The following LIMS2 variants were observed in gnomAD, a reference collection of about 807,000 sequenced individuals.
The protein encoded by LIMS2 is LIM zinc finger domain containing 2.
In LIMS2, 30 loss-of-function variants were observed where a neutral mutation model predicts 45.3. The observed-to-expected ratio is 0.66, with a 90% CI of 0.50 to 0.90. LIMS2 has a LOEUF of 0.90. Ranked by LOEUF, LIMS2 falls within the 40% of genes least tolerant of loss-of-function variation. LIMS2 has a pLI of 0.00. For missense variants in LIMS2, 485 were observed against 468.7 expected (o/e 1.03, Z -0.32); for synonymous variants, 173 against 188.0 (o/e 0.92, Z 0.65).
chr2:127,667,625 T>C lies in LIMS2; in HGVS notation c.11+7389A>G, dbSNP rs367832156. Among the ~76,000 whole-genome samples the C allele has an allele frequency of 2.6e-5, 4 of 152,192 alleles. No homozygotes were observed. The South Asian group carries it at 6.2e-4, about 24-fold the overall frequency. On this transcript the variant is annotated intron_variant, in intron 1 of 9. Coordinates refer to ENST00000355119, the MANE Select transcript of LIMS2 (RefSeq NM_001161403.3). The surrounding 1 kb of genome is among the most constrained non-coding windows in gnomAD (Gnocchi z 4.1). ...CATCTCAACAGATGCAGAAAACACATTTGGCAAAATCCAACATCTTTTCAT... is the reference window on the plus strand; with the variant it reads ...CATCTCAACAGATGCAGAAAACACACTTGGCAAAATCCAACATCTTTTCAT...
intron 1 of LIMS2, among the ~76,000 whole-genome samples, chr2:127,681,011 T>C (rs1197285312): frequency 6.6e-6 from 1 of 152,214 alleles, no homozygotes; most frequent in Non-Finnish European, 1.5e-5. Flanking sequence ...TTGCTTCTTT[T>C]TTCCCATTGT....
chr2:127,674,221 A>C (rs1685406655), intron 1 of LIMS2: 2 of 158,918 alleles, frequency 1.3e-5, no homozygotes, highest in Admixed American at 1.2e-4. Flanking sequence ...TGGGATCCTG[A>C]AGAACAGCAT....
At chr2:127,668,648 G>A (rs1573845204) in intron 1 of LIMS2, among the ~76,000 whole-genome samples, 1 of 100,490 alleles carries the variant, frequency 1.0e-5, no homozygotes, top group East Asian at 3.4e-4. Context: ...CACCCTGGGT[G>A]ACAGAGTGAG....
At chr2:127,641,813 G>A in intron 6 of LIMS2, 1 of 485,592 alleles carries the variant, frequency 2.1e-6, no homozygotes, top group South Asian at 3.2e-5. Flanking sequence ...AGGGGGAAGA[G>A]GAGAGGTGGG....
At chr2:127,669,740 A>C (rs1227783395) in intron 1 of LIMS2, among the ~76,000 whole-genome samples, 1 of 151,946 alleles carries the variant, frequency 6.6e-6, no homozygotes, top group Non-Finnish European at 1.5e-5. Flanking sequence ...TTTGCAAATC[A>C]TATGTCTGAG....
chr2:127,660,463 G>A (rs903223819), intron 1 of LIMS2, among the ~76,000 whole-genome samples: 1 of 152,224 alleles, frequency 6.6e-6, no homozygotes, highest in Non-Finnish European at 1.5e-5. Context: ...AAGCCAGCGA[G>A]ACCATGAACC....
Position 127,656,810 on chromosome 2 carries a change from G to A in LIMS2, c.171+593C>T, listed in dbSNP as rs148198928. Among the ~76,000 whole-genome samples, 93 of 152,284 alleles carry A rather than the reference G, an allele frequency of 6.1e-4. 1 individual carries two copies. In the East Asian group the frequency reaches 0.017, roughly 28 times the overall value. On this transcript the variant is annotated intron_variant, in intron 2 of 9. Transcript: ENST00000355119. ...TTGCAGAGGGGAAGCCTATGGCTCC[G>A]TAGAGGCCCGTGGGGCCAAGCGAGA...
At chr2:127,651,676 G>A in intron 4 of LIMS2, 1 of 1,613,356 alleles carries the variant, frequency 6.2e-7, no homozygotes, top group Non-Finnish European at 8.5e-7. Context: ...TTGCTCTGTG[G>A]CAAAAGGCTC....
chr2:127,661,616 A>T (rs1424241229), intron 1 of LIMS2, among the ~76,000 whole-genome samples: 3 of 152,202 alleles, frequency 2.0e-5, no homozygotes, highest in Non-Finnish European at 2.9e-5. Flanking sequence ...TGCCCAGGGC[A>T]CACCCAGCCT....
rs182841553 is a variant in LIMS2 at position 127,673,819 on chromosome 2, C to T, written c.11+1195G>A. 2.9e-3 allele frequency: 3,987 copies of T among 1,369,560 alleles called. 107 individuals are homozygous for T. In the African/African-American group the frequency reaches 0.052, roughly 18 times the overall value. The allele number at this position is 1,369,560 out of a possible 1,614,324, so 84.8% of individuals were successfully genotyped here. On this transcript the variant is annotated intron_variant, in intron 1 of 9. Transcript: ENST00000355119. ...AAAATGGGAGGCAGCCCCGCTAGAA[C>T]CCTAGGGGGTGACCACAGGCAGCCA... is the stretch of plus-strand genomic sequence containing the variant.
intron 4 of LIMS2, among the ~76,000 whole-genome samples, chr2:127,648,993 GA>G (rs1183473801): frequency 2.2e-4 from 5 of 22,502 alleles, no homozygotes; most frequent in Non-Finnish European, 3.6e-4. Flanking sequence ...GGAGGGGAGG[GA>G]GGGGAGGGGA....
At chr2:127,651,616 C>T in intron 4 of LIMS2, 1 of 1,613,602 alleles carries the variant, frequency 6.2e-7, no homozygotes, top group East Asian at 2.2e-5. Flanking sequence ...GCACTCGACC[C>T]CATCATGTAT....
intron 4 of LIMS2, chr2:127,643,316 G>A: frequency 1.8e-6 from 1 of 571,302 alleles, no homozygotes; most frequent in East Asian, 3.3e-5. Flanking sequence ...ACTGTCTCTG[G>A]ATGGTATTTT....
At chr2:127,668,229 A>G (rs1173498179) in intron 1 of LIMS2, among the ~76,000 whole-genome samples, 1 of 152,252 alleles carries the variant, frequency 6.6e-6, no homozygotes, top group Non-Finnish European at 1.5e-5. Context: ...TATTGTTAAG[A>G]TGGCAATACA....
chr2:127,661,925 T>A (rs1558896089), intron 1 of LIMS2, among the ~76,000 whole-genome samples: 1 of 152,184 alleles, frequency 6.6e-6, no homozygotes, highest in South Asian at 2.1e-4. Flanking sequence ...CATTCCGGAT[T>A]CTGTTTCTTC....
At chr2:127,640,751 G>T (rs1363630549) in intron 7 of LIMS2, 145 bp downstream of exon 7, 27 of 702,354 alleles carry the variant, frequency 3.8e-5, no homozygotes, top group Non-Finnish European at 6.5e-5. Context: ...GAGACCCCAG[G>T]CCAGGAGCCA....
chr2:127,674,062 GC>G (rs1400865758), intron 1 of LIMS2: 3 of 347,500 alleles, frequency 8.6e-6, no homozygotes, highest in Non-Finnish European at 1.7e-5. Flanking sequence ...CCAGGCCACA[GC>G]CTTAATGGCG....
intron 4 of LIMS2, 67 bp downstream of exon 4, chr2:127,654,357 G>T: frequency 6.2e-7 from 1 of 1,606,290 alleles, no homozygotes; most frequent in Non-Finnish European, 8.5e-7. Context: ...TAGCACACAG[G>T]AGAGGTGGCA....
rs1683832111 is a variant in LIMS2 at position 127,651,795 on chromosome 2, A to G, written c.359+2629T>C. ...CCAGGCCGAGCGCAGACTGTTTAGG[A>G]CTCAGCAGACCCAGCAAGAGGCATC... On this transcript the variant is annotated intron_variant, in intron 4 of 9. Coordinates refer to ENST00000355119, the MANE Select transcript of LIMS2 (RefSeq NM_001161403.3). 3 of 1,574,554 alleles carry G rather than the reference A, an allele frequency of 1.9e-6. No individual in the cohort carries two copies. In the African/African-American group the frequency reaches 4.0e-5, roughly 21 times the overall value.
Sources: allele counts gnomAD v4.1 joint callset (sites outside exome capture counted in the v4.1 genomes callset), GRCh38; gene constraint gnomAD v4.1.1; non-coding constraint Gnocchi (gnomAD v3.1); transcripts MANE v1.5; gene names NCBI Gene and HGNC (gene_info 2026-07-23, HGNC 2026-07-21).